PLEKHG1: variants seen among roughly 807,000 people sequenced by gnomAD.
PLEKHG1 encodes pleckstrin homology and RhoGEF domain containing G1.
In PLEKHG1, 44 loss-of-function variants were observed where a neutral mutation model predicts 100.8. The observed-to-expected ratio is 0.44, with a 90% confidence interval of 0.34 to 0.56. The LOEUF is 0.56. PLEKHG1 is among the 20% of genes least tolerant of loss of function. The pLI is 0.01. For synonymous variants in PLEKHG1, 640 were observed against 662.5 expected (o/e 0.97, Z 0.52); for missense variants, 1,545 against 1,720.9 (o/e 0.90, Z 1.81).
intron 1 of PLEKHG1, among the ~76,000 whole-genome samples, chr6:150,618,485 G>T (rs772141558): frequency 7.2e-5 from 11 of 152,166 alleles, no homozygotes; most frequent in Non-Finnish European, 1.6e-4. Flanking sequence ...ATATCAAGCT[G>T]CCAGTGTGAC....
At chr6:150,813,651 G>A (rs902403752) in intron 10 of PLEKHG1, among the ~76,000 whole-genome samples, 51 of 152,150 alleles carry the variant, frequency 3.4e-4, no homozygotes, top group African/African-American at 1.1e-3. Context: ...CATAAAGCCC[G>A]GTTCAGCAGG....
chr6:150,757,732 C>T (rs374553273), intron 2 of PLEKHG1, among the ~76,000 whole-genome samples: 4 of 152,128 alleles, frequency 2.6e-5, no homozygotes, highest in Non-Finnish European at 5.9e-5. Flanking sequence ...GGTACATGTG[C>T]GGGATGTGCA....
intron 15 of PLEKHG1, among the ~76,000 whole-genome samples, chr6:150,832,905 G>A (rs1195403646): frequency 6.6e-6 from 1 of 151,152 alleles, no homozygotes; most frequent in Admixed American, 6.6e-5. Context: ...CTCGACTCCT[G>A]GGCTCAAGCA....
At chr6:150,785,426 C>T (rs1466728482) in intron 3 of PLEKHG1, among the ~76,000 whole-genome samples, 1 of 152,130 alleles carries the variant, frequency 6.6e-6, no homozygotes, top group Non-Finnish European at 1.5e-5. Context: ...TTCTTTGACC[C>T]ATCAATTCCA....
chr6:150,796,039 C>G (rs938457610), intron 5 of PLEKHG1, 137 bp downstream of exon 6: 2 of 585,330 alleles, frequency 3.4e-6, no homozygotes, highest in Non-Finnish European at 6.2e-6. Context: ...GCAAAACGTG[C>G]TGAGAACAGA....
intron 2 of PLEKHG1, among the ~76,000 whole-genome samples, chr6:150,746,049 C>T (rs757672095): frequency 3.3e-5 from 5 of 152,078 alleles, no homozygotes; most frequent in Non-Finnish European, 7.4e-5. Context: ...GCCTTGTCAA[C>T]GGGGAGGGTC....
chr6:150,748,376 T>A (rs80122765), intron 2 of PLEKHG1, among the ~76,000 whole-genome samples: 6,309 of 152,116 alleles, frequency 0.041, 413 homozygotes, highest in African/African-American at 0.14. Flanking sequence ...CTCAGTTAAA[T>A]CTCACCATAA....
At chr6:150,832,313 G>C in intron 15 of PLEKHG1, 108 bp downstream of exon 16, 1 of 888,556 alleles carries the variant, frequency 1.1e-6, no homozygotes, top group Non-Finnish European at 1.7e-6. Context: ...TGACACTCAA[G>C]CTTTGTCATC....
At chr6:150,655,475 G>A (rs529608769) in intron 3 of PLEKHG1, among the ~76,000 whole-genome samples, 21 of 152,228 alleles carry the variant, frequency 1.4e-4, no homozygotes, top group Middle Eastern at 3.4e-3. Flanking sequence ...TAGGGAGGCC[G>A]AGGCGGGTAG....
chr6:150,828,376 G>A (rs1196008416), intron 14 of PLEKHG1: 2 of 1,608,680 alleles, frequency 1.2e-6, no homozygotes, highest in Middle Eastern at 1.7e-4. Flanking sequence ...CGATTCCAAG[G>A]GTGACTGAGG....
rs527622784 is a variant in PLEKHG1, at chr6:150,829,216, T to C, written c.1471-1366T>C. 3.9e-5 allele frequency among the ~76,000 whole-genome samples: 6 copies of C among 152,364 alleles called. No individual in the cohort carries two copies. In the South Asian group the frequency reaches 1.2e-3, roughly 32 times the overall value. Reference sequence around the variant, plus strand: ...TTTCAAGCCTTTGAAGTTAATCCTGTCTGCAGAATAGAATCAGAGGGTAAT... The same window carrying C: ...TTTCAAGCCTTTGAAGTTAATCCTGCCTGCAGAATAGAATCAGAGGGTAAT... On this transcript the variant is annotated intron_variant, in intron 14 of 15. Transcript: ENST00000358517.
intron 1 of PLEKHG1, among the ~76,000 whole-genome samples, chr6:150,612,479 C>T (rs2128553860): frequency 6.6e-6 from 1 of 152,204 alleles, no homozygotes; most frequent in East Asian, 1.9e-4. Flanking sequence ...ATTACAGGCG[C>T]CTGCCATCAC....
intron 3 of PLEKHG1, among the ~76,000 whole-genome samples, chr6:150,785,033 T>TAAAAAA (rs35123545): frequency 7.3e-6 from 1 of 136,234 alleles, no homozygotes; most frequent in East Asian, 2.1e-4. Flanking sequence ...TCTCTAAAAT[T>TAAAAAA]AAAAAAAAAA....
chr6:150,703,461 C>T (rs1421722789), intron 3 of PLEKHG1, among the ~76,000 whole-genome samples: 4 of 151,804 alleles, frequency 2.6e-5, no homozygotes, highest in African/African-American at 9.7e-5. Context: ...ATTAGCCAGG[C>T]GTGGTGGCAC....
intron 2 of PLEKHG1, among the ~76,000 whole-genome samples, chr6:150,764,671 T>G (rs1746232711): frequency 6.6e-6 from 1 of 152,154 alleles, no homozygotes; most frequent in South Asian, 2.1e-4. Flanking sequence ...TCCTTTTTGT[T>G]ACCCTGTGCC....
rs1402731993 is a variant in PLEKHG1, at chr6:150,835,265, G to C, written c.3094+3060G>C. Reference sequence around the variant, plus strand: ...TCCTCCTGATAGTCTTTGAGAGCAAGGAGGCCTTTGGGTTTCTGGGTTTTT... The same window carrying C: ...TCCTCCTGATAGTCTTTGAGAGCAACGAGGCCTTTGGGTTTCTGGGTTTTT... On this transcript the variant is annotated intron_variant, in intron 15 of 15. Coordinates refer to ENST00000358517, the Ensembl canonical transcript of PLEKHG1. Among the ~76,000 whole-genome samples the C allele has an allele frequency of 3.3e-5, 5 of 152,146 alleles. No individual in the cohort carries two copies. In the East Asian group the frequency reaches 9.6e-4, roughly 29 times the overall value.
intron 2 of PLEKHG1, among the ~76,000 whole-genome samples, chr6:150,648,624 T>A (rs1778593066): frequency 6.6e-6 from 1 of 152,182 alleles, no homozygotes; most frequent in South Asian, 2.1e-4. Context: ...ACATCTTATC[T>A]AAGTCAAACA....
intron 2 of PLEKHG1, 30 bp downstream of exon 3, chr6:150,734,122 C>A: frequency 6.3e-7 from 1 of 1,575,818 alleles, no homozygotes; most frequent in South Asian, 1.2e-5. Flanking sequence ...TAATGTTTGC[C>A]ATGCAGGAGA....
intron 3 of PLEKHG1, among the ~76,000 whole-genome samples, chr6:150,775,119 T>C (rs890297838): frequency 7.9e-5 from 12 of 152,210 alleles, no homozygotes; most frequent in African/African-American, 2.4e-4. Flanking sequence ...TCTGATTTGG[T>C]GTCTGGAATA....
Sources: allele counts gnomAD v4.1 joint callset (sites outside exome capture counted in the v4.1 genomes callset), GRCh38; gene constraint gnomAD v4.1.1; transcripts MANE v1.5; gene names NCBI Gene and HGNC (gene_info 2026-07-23, HGNC 2026-07-21).